The following TAOK1 variants were observed in gnomAD, a reference collection of about 807,000 sequenced individuals.
The protein encoded by TAOK1 is TAO kinase 1.
TAOK1 carries 21 observed loss-of-function variants against 138.3 expected under a neutral mutation model. The observed-to-expected ratio is 0.15, with a 90% CI of 0.11 to 0.22. The LOEUF is 0.22. Ranked by LOEUF, TAOK1 falls within the 10% of genes least tolerant of loss-of-function variation. The probability of loss-of-function intolerance (pLI) is 1.00; values close to 1 mark genes in which losing one functional copy is unlikely to be tolerated. For missense variants in TAOK1, 651 were observed against 1,227.7 expected (o/e 0.53, Z 7.02); for synonymous variants, 361 against 398.4 (o/e 0.91, Z 1.12).
intron 1 of TAOK1, among the ~76,000 whole-genome samples, chr17:29,395,058 A>G (rs1391066858): frequency 6.6e-6 from 1 of 152,112 alleles, no homozygotes; most frequent in African/African-American, 2.4e-5. Context: ...CCTGGGCAAC[A>G]TAGTGAGACC....
chr17:29,447,048 T>A (rs1039043914), intron 1 of TAOK1, among the ~76,000 whole-genome samples: 12 of 151,582 alleles, frequency 7.9e-5, no homozygotes, highest in Non-Finnish European at 1.8e-4. Flanking sequence ...CTTTTTTTTT[T>A]TTTTTTAAGG....
chr17:29,480,109 G>A (rs2031029768), intron 6 of TAOK1: 1 of 240,844 alleles, frequency 4.2e-6, no homozygotes, highest in Non-Finnish European at 7.9e-6. Flanking sequence ...TATAAACTAT[G>A]CTCCAATGAA....
At chr17:29,408,222 G>GTT (rs1180646566) in intron 1 of TAOK1, among the ~76,000 whole-genome samples, 49 of 130,912 alleles carry the variant, frequency 3.7e-4, no homozygotes, top group African/African-American at 5.7e-4. Flanking sequence ...TGGCCATAAG[G>GTT]TTTTTTTTTT....
At chr17:29,516,868 C>T (rs1175109450) in intron 15 of TAOK1, among the ~76,000 whole-genome samples, 1 of 151,710 alleles carries the variant, frequency 6.6e-6, no homozygotes, top group Non-Finnish European at 1.5e-5. Flanking sequence ...GGAGTTTCAC[C>T]AAAGAGTGCA....
intron 1 of TAOK1, among the ~76,000 whole-genome samples, chr17:29,405,109 A>T (rs532647141): frequency 6.6e-5 from 10 of 152,082 alleles, no homozygotes; most frequent in Non-Finnish European, 1.5e-4. Flanking sequence ...CCTCCCAAGT[A>T]GCTGAGATTA....
intron 1 of TAOK1, among the ~76,000 whole-genome samples, chr17:29,420,273 A>G (rs1905389425): frequency 6.6e-6 from 1 of 151,888 alleles, no homozygotes; most frequent in Admixed American, 6.6e-5. Flanking sequence ...GACTCAAGCA[A>G]TTCACCCGCC....
chr17:29,498,197 A>G (rs1428085634), intron 11 of TAOK1, 121 bp from the exon 12 acceptor site: 22 of 971,710 alleles, frequency 2.3e-5, no homozygotes, highest in Non-Finnish European at 3.2e-5. Flanking sequence ...GCAATTTCTC[A>G]TGATAGACCA....
chr17:29,511,554 T>TGTGTATTTTTTGA (rs2153029647), intron 15 of TAOK1: 1 of 151,964 alleles, frequency 6.6e-6, no homozygotes, highest in African/African-American at 2.4e-5. Context: ...TTATTTTTTG[T>TGTGTATTTTTTGA]GTGTATTTTT....
intron 2 of TAOK1, among the ~76,000 whole-genome samples, chr17:29,464,239 TC>T (rs1022354400): frequency 6.7e-6 from 1 of 150,008 alleles, no homozygotes; most frequent in African/African-American, 2.5e-5. Context: ...ATCGAGACCA[TC>T]CTGGCTAACA....
chr17:29,499,860 G>A (rs2031492408), intron 12 of TAOK1, among the ~76,000 whole-genome samples: 3 of 152,068 alleles, frequency 2.0e-5, no homozygotes, highest in Admixed American at 1.3e-4. Flanking sequence ...TGCACCCAGT[G>A]TATATCTTAA....
intron 16 of TAOK1, among the ~76,000 whole-genome samples, chr17:29,520,628 T>G (rs2031896902): frequency 6.6e-6 from 1 of 151,816 alleles, no homozygotes; most frequent in Admixed American, 6.6e-5. Flanking sequence ...TTGACCAGGT[T>G]GGTCTCGAAC....
At chr17:29,446,385 G>A (rs1449631282) in intron 1 of TAOK1, among the ~76,000 whole-genome samples, 1 of 152,008 alleles carries the variant, frequency 6.6e-6, no homozygotes, top group Non-Finnish European at 1.5e-5. Flanking sequence ...GGGACTACAG[G>A]TGTGCACTAC....
intron 1 of TAOK1, among the ~76,000 whole-genome samples, chr17:29,397,794 T>C (rs1202218123): frequency 1.3e-5 from 2 of 149,106 alleles, no homozygotes; most frequent in East Asian, 3.9e-4. Flanking sequence ...TGTATATATG[T>C]ATATTCATGT....
rs867263788 is a variant in TAOK1 at position 29,488,579 on chromosome 17, T to A, written c.656-1085T>A. Among the ~76,000 whole-genome samples, 187 of 130,820 alleles carry A rather than the reference T, an allele frequency of 1.4e-3. 1 individual carries two copies. The Middle Eastern group carries it at 0.015, about 10-fold the overall frequency. The allele number at this position is 130,820 out of a possible 152,430, so 85.8% of individuals were successfully genotyped here. ...AAGAGTGAAACCACATCTCAAAAAA[T>A]AATAATAATAATAATAATAATAATA... On this transcript the variant is annotated intron_variant, in intron 8 of 19. Coordinates refer to ENST00000261716, the MANE Select transcript of TAOK1 (RefSeq NM_020791.4).
At position 29,549,989 on chromosome 17, in the gene TAOK1, T is replaced by C. The variant is rs2032463439; in HGVS notation, c.*6967T>C. On this transcript the variant is annotated 3_prime_UTR_variant, in exon 20 of 20. Transcript: ENST00000261716. ...CTAGAGACACAAGGTGGGAAAACAT[T>C]TCAAAAAAAAAAAGTCCTCTTAAGG... 6.6e-6 allele frequency: 1 copy of C among 151,502 alleles called. No individual in the cohort carries two copies. 9.4% of individuals were successfully genotyped at this position (151,502 alleles called of 1,614,324 possible).
chr17:29,526,470 C>T (rs12943796), intron 17 of TAOK1, among the ~76,000 whole-genome samples: 1 of 152,048 alleles, frequency 6.6e-6, no homozygotes, highest in South Asian at 2.1e-4. Flanking sequence ...GGCTGGAGGG[C>T]AGTGGCGCAA....
Position 29,525,381 on chromosome 17 carries a change from G to C in TAOK1, c.2148+2862G>C, listed in dbSNP as rs1360668846. Among the ~76,000 whole-genome samples the C allele has an allele frequency of 2.6e-5, 4 of 152,110 alleles. No homozygotes were observed. The East Asian group carries it at 7.7e-4, about 29-fold the overall frequency. Reference sequence around the variant, plus strand: ...CCGCCTCGGCCTCCCAAAGTGCTGGGATTACAGGCATGAGCCACCATGCCC... The same window carrying C: ...CCGCCTCGGCCTCCCAAAGTGCTGGCATTACAGGCATGAGCCACCATGCCC... On this transcript the variant is annotated intron_variant, in intron 17 of 19. Transcript: ENST00000261716.
chr17:29,409,082 A>G (rs1203521046), intron 1 of TAOK1, among the ~76,000 whole-genome samples: 1 of 152,038 alleles, frequency 6.6e-6, no homozygotes, highest in Non-Finnish European at 1.5e-5. Context: ...GGAATTATAC[A>G]GTATGAAATT....
At position 29,522,402 on chromosome 17, in the gene TAOK1, G is replaced by C; in HGVS notation, c.2031G>C (p.Leu677Phe). 6.2e-7 allele frequency: 1 copy of C among 1,614,164 alleles called. No homozygotes were observed. ...CAATTCAGAAGATGCGCTGTGAGTTGATCAGATTACAGCATCAAACTGAGC... is the reference window on the plus strand; with the variant it reads ...CAATTCAGAAGATGCGCTGTGAGTTCATCAGATTACAGCATCAAACTGAGC... ...LNTIQKMRCE[L>F]IRLQHQTELT... The change falls in exon 17 of 20, where the codon TTG (leucine) becomes TTC (phenylalanine). Residue 677 changes from leucine to phenylalanine, a missense_variant. Physicochemically the swap from Leu to Phe is conservative, Grantham distance 22 (BLOSUM62 0). Coordinates refer to ENST00000261716, the MANE Select transcript of TAOK1 (RefSeq NM_020791.4).
Sources: allele counts gnomAD v4.1 joint callset (sites outside exome capture counted in the v4.1 genomes callset), GRCh38; gene constraint gnomAD v4.1.1; transcripts MANE v1.5; gene names NCBI Gene and HGNC (gene_info 2026-07-23, HGNC 2026-07-21).